The following SNTG2 variants were observed in gnomAD, a reference collection of about 807,000 sequenced individuals.
SNTG2 encodes the protein syntrophin gamma 2.
A neutral mutation model predicts 70.9 loss-of-function variants in SNTG2; 74 were observed. The ratio of observed to expected loss-of-function variants is 1.04; its 90% CI spans 0.86 to 1.27. The LOEUF (loss-of-function observed/expected upper bound fraction) is 1.27, where lower values mean the gene tolerates loss of function less well. Ranked by LOEUF, SNTG2 falls within the 50% of genes most tolerant of loss-of-function variation. The pLI, the probability that SNTG2 is intolerant of heterozygous loss-of-function variation, is 0.00. For missense variants in SNTG2, 717 were observed against 690.7 expected, an observed-to-expected ratio of 1.04 and a Z score of -0.43; for synonymous variants, 278 against 273.8, an observed-to-expected ratio of 1.02 and a Z score of -0.15.
At chr2:1,250,884 C>G (rs763359616) in intron 12 of SNTG2, among the ~76,000 whole-genome samples, 2 of 152,204 alleles carry the variant, frequency 1.3e-5, no homozygotes, top group South Asian at 4.1e-4. Context: ...TTGTCTTTTC[C>G]TATAAAAGTT....
chr2:970,475 G>A (rs1001039851), intron 1 of SNTG2, among the ~76,000 whole-genome samples: 4 of 145,258 alleles, frequency 2.8e-5, no homozygotes, highest in Non-Finnish European at 4.5e-5. Context: ...GTGTCCATGT[G>A]TTCTCATTGT....
chr2:1,366,517 C>A (rs77800831), intron 16 of SNTG2, among the ~76,000 whole-genome samples: 5,150 of 152,092 alleles, frequency 0.034, 273 homozygotes, highest in African/African-American at 0.11. Flanking sequence ...CTGTAACATG[C>A]GGAGGTAAGG....
intron 9 of SNTG2, among the ~76,000 whole-genome samples, chr2:1,230,360 G>A (rs1418901270): frequency 8.5e-5 from 13 of 152,146 alleles, no homozygotes; most frequent in South Asian, 2.1e-4. Flanking sequence ...TCTGGGGGCC[G>A]GGACTCAGGA....
In SNTG2 at chr2:1,267,568, C is replaced by T. The variant is rs758422147; in HGVS notation, c.1281C>T (p.Thr427=). 2.0e-5 allele frequency: 32 copies of T among 1,612,172 alleles called. No homozygotes were observed. In the Admixed American group the frequency reaches 2.7e-4, roughly 13 times the overall value. Residue 427 remains threonine, a synonymous_variant, in exon 14 of 17, where the codon ACC becomes ACT. Coordinates refer to ENST00000308624, the MANE Select transcript of SNTG2 (RefSeq NM_018968.4). ...QRATFMEVQR[T]GSRTYMCSWQ... ...CCACGTTCATGGAAGTTCAGAGAAC[C>T]GGGGTAAGTGAACAACTCACACTCT...
chr2:982,955 G>A (rs188612890), intron 1 of SNTG2, among the ~76,000 whole-genome samples: 4 of 152,228 alleles, frequency 2.6e-5, no homozygotes, highest in Admixed American at 1.3e-4. Context: ...TAGAAGCTGC[G>A]GAGGTAGTGG....
Position 1,097,559 on chromosome 2 carries a change from A to G in SNTG2, c.211-637A>G, listed in dbSNP as rs967092350. On this transcript the variant is annotated intron_variant, in intron 2 of 16. Coordinates refer to ENST00000308624, the MANE Select transcript of SNTG2 (RefSeq NM_018968.4). This position sits in a 1 kb window ranked among gnomAD's most constrained non-coding sequence, Gnocchi z 4.1. The stretch of plus-strand genomic sequence containing the variant: ...ACAGTCGCATTCATCAGATTAGACC[A>G]CAGCAAAACATAGGTGCATGGCTTA... 1.3e-5 allele frequency among the ~76,000 whole-genome samples: 2 copies of G among 152,318 alleles called. No individual in the cohort carries two copies. The highest frequency in any genetic ancestry group is 1.9e-4 in the East Asian group (1 of 5,158).
intron 15 of SNTG2, among the ~76,000 whole-genome samples, chr2:1,315,977 G>A (rs1179849132): frequency 6.6e-6 from 1 of 152,178 alleles, no homozygotes; most frequent in Non-Finnish European, 1.5e-5. Flanking sequence ...TCGACTGCAG[G>A]TGACGTGGGA....
At chr2:1,152,206 G>A (rs1669545672) in intron 6 of SNTG2, among the ~76,000 whole-genome samples, 1 of 152,144 alleles carries the variant, frequency 6.6e-6, no homozygotes, top group African/African-American at 2.4e-5. Flanking sequence ...TGAAGATGTA[G>A]GGTAGAGCAA....
intron 6 of SNTG2, among the ~76,000 whole-genome samples, chr2:1,156,772 G>A (rs1460656017): frequency 1.3e-5 from 2 of 152,228 alleles, no homozygotes; most frequent in East Asian, 1.9e-4. Context: ...AGACGTGGGT[G>A]GCTGAGCCCT....
intron 1 of SNTG2, among the ~76,000 whole-genome samples, chr2:1,074,218 C>CGG (rs1422190738): frequency 6.6e-6 from 1 of 152,156 alleles, no homozygotes; most frequent in Non-Finnish European, 1.5e-5. Flanking sequence ...CTCGTCTGCC[C>CGG]GGGGGAATGC....
chr2:1,215,050 G>A (rs1674289195), intron 9 of SNTG2, among the ~76,000 whole-genome samples: 1 of 149,822 alleles, frequency 6.7e-6, no homozygotes, highest in Non-Finnish European at 1.5e-5. Flanking sequence ...GATTTTGCAT[G>A]TGTTGAACCA....
chr2:1,366,157 C>G (rs757526722), intron 16 of SNTG2, among the ~76,000 whole-genome samples: 1 of 152,134 alleles, frequency 6.6e-6, no homozygotes, highest in Admixed American at 6.5e-5. Flanking sequence ...GGATGTCAAT[C>G]AATTAGCAGT....
chr2:1,321,402 A>G (rs887365831), intron 16 of SNTG2, among the ~76,000 whole-genome samples: 2 of 152,144 alleles, frequency 1.3e-5, no homozygotes, highest in Non-Finnish European at 2.9e-5. Flanking sequence ...CTCTGCCATC[A>G]ATGAGTCAGC....
intron 15 of SNTG2, among the ~76,000 whole-genome samples, chr2:1,313,352 G>A (rs549141355): frequency 4.6e-5 from 7 of 152,326 alleles, no homozygotes; most frequent in African/African-American, 1.7e-4. Context: ...TCTGTGCCAC[G>A]GGAGGATGGG....
At chr2:1,267,286 C>T in intron 13 of SNTG2, 79 bp from the exon 14 acceptor site, 1 of 1,362,252 alleles carries the variant, frequency 7.3e-7, no homozygotes, top group Non-Finnish European at 1.0e-6. Context: ...CAAACGCTGC[C>T]TTCTCCCCAC....
intron 4 of SNTG2, among the ~76,000 whole-genome samples, chr2:1,110,055 A>G (rs945069134): frequency 9.9e-5 from 15 of 152,170 alleles, no homozygotes; most frequent in African/African-American, 3.6e-4. Flanking sequence ...GAAGATGTTG[A>G]CACAGAACGA....
intron 1 of SNTG2, among the ~76,000 whole-genome samples, chr2:977,847 C>T (rs2147963652): frequency 6.6e-6 from 1 of 152,278 alleles, no homozygotes; most frequent in South Asian, 2.1e-4. Flanking sequence ...CAGAGCCTTC[C>T]CGCCTCGTGC....
At chr2:1,347,344 TC>T (rs1660346742) in intron 16 of SNTG2, among the ~76,000 whole-genome samples, 1 of 152,170 alleles carries the variant, frequency 6.6e-6, no homozygotes, top group African/African-American at 2.4e-5. Flanking sequence ...CTGTGGGTCT[TC>T]CTGGTGTTAA....
rs1222499260 is a variant in SNTG2, at chr2:1,179,912, G to A, written c.591+6729G>A. Among the ~76,000 whole-genome samples the A allele has an allele frequency of 7.2e-3, 952 of 133,064 alleles. 1 individual carries two copies. The highest frequency in any genetic ancestry group is 0.016 in the African/African-American group (583 of 35,642). 87.3% of individuals were successfully genotyped at this position (133,064 alleles called of 152,430 possible). A position where few individuals can be genotyped will look rare whatever the true frequency, so the allele number is the denominator to read the frequency against. On this transcript the variant is annotated intron_variant, in intron 8 of 16. Coordinates refer to ENST00000308624, the MANE Select transcript of SNTG2 (RefSeq NM_018968.4). ...GAACAGAGCCCTCAGAAATAATGCCGTGTATCTACAACTATCTGATCTTTG... is the reference window on the plus strand; with the variant it reads ...GAACAGAGCCCTCAGAAATAATGCCATGTATCTACAACTATCTGATCTTTG...
Sources: allele counts gnomAD v4.1 joint callset (sites outside exome capture counted in the v4.1 genomes callset), GRCh38; gene constraint gnomAD v4.1.1; non-coding constraint Gnocchi (gnomAD v3.1); transcripts MANE v1.5; gene names NCBI Gene and HGNC (gene_info 2026-07-23, HGNC 2026-07-21).